USP6NL: variants seen among roughly 807,000 people sequenced by gnomAD.
USP6NL encodes USP6 N-terminal like, also known as USP6 N-terminal-like protein.
In USP6NL, 26 loss-of-function variants were observed where a neutral mutation model predicts 61.9. That is an observed-to-expected ratio of 0.42 (90% CI 0.31 to 0.58). The LOEUF is 0.58. Among genes scored for constraint, USP6NL ranks in the 20% least tolerant of loss-of-function variants. The pLI is 0.16. For synonymous variants in USP6NL, 432 were observed against 390.1 expected, an observed-to-expected ratio of 1.11 and a Z score of -1.27; for missense variants, 1,114 against 1,034.3, an observed-to-expected ratio of 1.08 and a Z score of -1.06.
At chr10:11,607,790 T>C (rs1426383790) in intron 1 of USP6NL, among the ~76,000 whole-genome samples, 1 of 152,262 alleles carries the variant, frequency 6.6e-6, no homozygotes, top group Non-Finnish European at 1.5e-5. Context: ...TAATATTCTT[T>C]CATTTAGTTC....
At chr10:11,578,372 T>G (rs962028855) in intron 2 of USP6NL, among the ~76,000 whole-genome samples, 2 of 152,254 alleles carry the variant, frequency 1.3e-5, no homozygotes, top group African/African-American at 4.8e-5. Flanking sequence ...ATACAATCTT[T>G]AATAGAAGTG....
chr10:11,533,770 T>C (rs1334005090), intron 2 of USP6NL, among the ~76,000 whole-genome samples: 3 of 152,218 alleles, frequency 2.0e-5, no homozygotes, highest in East Asian at 1.9e-4. Flanking sequence ...TGGTAAGTCA[T>C]GTGCTGTTAC....
Position 11,553,116 on chromosome 10 carries a change from TCTCA to T in USP6NL, c.5-25553_5-25550del, listed in dbSNP as rs1417470304. Among the ~76,000 whole-genome samples the T allele has an allele frequency of 6.6e-6, 1 of 152,176 alleles. No individual in the cohort carries two copies. Among genetic ancestry groups the T allele is most frequent in the Non-Finnish European group, 1.5e-5 (1 of 68,032 alleles). On this transcript the variant is annotated intron_variant, in intron 2 of 14. Transcript: ENST00000609104. The surrounding 1 kb of genome is among the most constrained non-coding windows in gnomAD (Gnocchi z 4.8). ...ATCCTTCACCCCTCTACCTGTAATT[TCTCA>T]CTAAGTTTTTAATATTCTTTTCAAT...
chr10:11,599,347 T>G (rs549986986), intron 1 of USP6NL, among the ~76,000 whole-genome samples: 1 of 152,332 alleles, frequency 6.6e-6, no homozygotes, highest in South Asian at 2.1e-4. Context: ...TTTTTTAATC[T>G]TAAATTTAAA....
chr10:11,476,882 AT>A lies in USP6NL; in HGVS notation c.1078+4887del, dbSNP rs1170125801. 6.8e-6 allele frequency among the ~76,000 whole-genome samples: 1 copy of A among 147,882 alleles called. No individual in the cohort carries two copies. Among genetic ancestry groups the A allele is most frequent in the Non-Finnish European group, 1.5e-5 (1 of 65,792 alleles). On this transcript the variant is annotated intron_variant, in intron 14 of 14. Transcript: ENST00000609104. This position sits in a 1 kb window ranked among gnomAD's most constrained non-coding sequence, Gnocchi z 4.3. ...GCATTTGACTTTTTTTATTATTATT[AT>A]TTTTTCAAGACGGAGTCTTGCTCTG... is the stretch of plus-strand genomic sequence containing the variant.
chr10:11,461,737 G>A lies in USP6NL; in HGVS notation c.*704C>T, dbSNP rs1473203859. The A allele has an allele frequency of 6.6e-6, 1 of 152,268 alleles. No homozygotes were observed. Among genetic ancestry groups the A allele is most frequent in the Non-Finnish European group, 1.5e-5 (1 of 68,066 alleles). 9.4% of individuals were successfully genotyped at this position (152,268 alleles called of 1,614,324 possible). On this transcript the variant is annotated 3_prime_UTR_variant, in exon 15 of 15. Transcript: ENST00000609104. ...TGCCCCGATTTTTAAGCACCATTAA[G>A]TGGTTAGCCTTTCTCTCCAATGTCT...
rs141476757 is a variant in USP6NL at position 11,468,608 on chromosome 10, G to T, written c.1079-4759C>A. Among the ~76,000 whole-genome samples the T allele has an allele frequency of 7.5e-4, 115 of 152,360 alleles. No homozygotes were observed. Among genetic ancestry groups the T allele is most frequent in the African/African-American group, 2.6e-3 (107 of 41,582 alleles). On this transcript the variant is annotated intron_variant, in intron 14 of 14. Transcript: ENST00000609104. The surrounding 1 kb of genome is among the most constrained non-coding windows in gnomAD (Gnocchi z 4.5). Reference sequence around the variant, plus strand: ...CAAGATGGTTTCATAAAACACCAGTGTGGTGCAGGAAACAATAAACTGTAG... The same window carrying T: ...CAAGATGGTTTCATAAAACACCAGTTTGGTGCAGGAAACAATAAACTGTAG...
chr10:11,529,462 GTTTA>G (rs1261496204), intron 2 of USP6NL, among the ~76,000 whole-genome samples: 2 of 152,232 alleles, frequency 1.3e-5, no homozygotes, highest in Non-Finnish European at 2.9e-5. Context: ...GCGCAAGGTT[GTTTA>G]TAATAGTAAA....
intron 6 of USP6NL, among the ~76,000 whole-genome samples, chr10:11,507,397 AG>A (rs1228423714): frequency 6.6e-6 from 1 of 152,204 alleles, no homozygotes; most frequent in Non-Finnish European, 1.5e-5. Flanking sequence ...TCTACTTTGA[AG>A]TGTGTCCTCT....
chr10:11,569,465 G>C (rs1369452603), intron 2 of USP6NL, among the ~76,000 whole-genome samples: 1 of 152,106 alleles, frequency 6.6e-6, no homozygotes, highest in East Asian at 1.9e-4. Flanking sequence ...TTCACGTATA[G>C]AATTTTTAAA....
At chr10:11,521,064 AC>A (rs889505940) in intron 4 of USP6NL, among the ~76,000 whole-genome samples, 1 of 152,206 alleles carries the variant, frequency 6.6e-6, no homozygotes, top group African/African-American at 2.4e-5. Flanking sequence ...TGAAAGTATT[AC>A]TAATCGGAGT....
At chr10:11,605,122 A>G (rs1480706794) in intron 1 of USP6NL, among the ~76,000 whole-genome samples, 1 of 152,244 alleles carries the variant, frequency 6.6e-6, no homozygotes, top group Non-Finnish European at 1.5e-5. Context: ...ACCAGCCACC[A>G]TCCGAAGAGA....
In USP6NL at chr10:11,611,070, G is replaced by A. The variant is rs1027736311; in HGVS notation, c.-84+373C>T. ...AAGGCACGAAGTTTGCCCGGGTCCT[G>A]CCCACTGGGGCTCGGGAGACGCGAC... On this transcript the variant is annotated intron_variant, in intron 1 of 14. Coordinates refer to ENST00000609104, the MANE Select transcript of USP6NL (RefSeq NM_014688.5). This position sits in a 1 kb window ranked among gnomAD's most constrained non-coding sequence, Gnocchi z 5.3. Among the ~76,000 whole-genome samples the A allele has an allele frequency of 6.6e-6, 1 of 152,188 alleles. No homozygotes were observed. The highest frequency in any genetic ancestry group is 1.5e-5 in the Non-Finnish European group (1 of 68,014).
At chr10:11,603,305 G>A (rs937738952) in intron 1 of USP6NL, among the ~76,000 whole-genome samples, 4 of 152,180 alleles carry the variant, frequency 2.6e-5, no homozygotes, top group African/African-American at 9.7e-5. Context: ...GAAAACAAAT[G>A]TCCATTCCAA....
In USP6NL at chr10:11,484,951, G is replaced by T; in HGVS notation, c.925+20C>A. 6.7e-7 allele frequency: 1 copy of T among 1,490,622 alleles called. No homozygotes were observed. Among genetic ancestry groups the T allele is most frequent in the South Asian group, 1.3e-5 (1 of 75,742 alleles). The allele number at this position is 1,490,622 out of a possible 1,614,324, so 92.3% of individuals were successfully genotyped here. On this transcript the variant is annotated intron_variant, in intron 13 of 14. Transcript: ENST00000609104. ...GCCTCAATTTTTAATGAAATTTTAA[G>T]AGTTTAAGCATTTTCTTACTTTTGT...
chr10:11,531,264 G>C (rs1835645160), intron 2 of USP6NL, among the ~76,000 whole-genome samples: 1 of 152,090 alleles, frequency 6.6e-6, no homozygotes, highest in Admixed American at 6.6e-5. Context: ...TGAAGAAAAA[G>C]TTCCTATTAT....
rs905096197 is a variant in USP6NL at position 11,561,004 on chromosome 10, A to G, written c.5-33437T>C. 6.6e-6 allele frequency among the ~76,000 whole-genome samples: 1 copy of G among 152,110 alleles called. No individual in the cohort carries two copies. On this transcript the variant is annotated intron_variant, in intron 2 of 14. Transcript: ENST00000609104. The surrounding 1 kb of genome is among the most constrained non-coding windows in gnomAD (Gnocchi z 4.1). ...GAAAGCTTAAAAAAATGTATATGGGAAGAATTAAAAAGCAGTTAATCTACA... is the reference window on the plus strand; with the variant it reads ...GAAAGCTTAAAAAAATGTATATGGGGAGAATTAAAAAGCAGTTAATCTACA...
intron 2 of USP6NL, among the ~76,000 whole-genome samples, chr10:11,558,338 C>A (rs565597607): frequency 6.6e-6 from 1 of 152,320 alleles, no homozygotes; most frequent in East Asian, 1.9e-4. Context: ...AGTTCTGGCC[C>A]TTACTAAAAA....
intron 2 of USP6NL, among the ~76,000 whole-genome samples, chr10:11,538,370 T>C (rs1216613771): frequency 1.3e-5 from 2 of 152,198 alleles, no homozygotes; most frequent in Non-Finnish European, 2.9e-5. Context: ...TTTCCACATC[T>C]GTTACCTGTA....
Sources: allele counts gnomAD v4.1 joint callset (sites outside exome capture counted in the v4.1 genomes callset), GRCh38; gene constraint gnomAD v4.1.1; non-coding constraint Gnocchi (gnomAD v3.1); transcripts MANE v1.5; gene names NCBI Gene and HGNC (gene_info 2026-07-23, HGNC 2026-07-21).